PRTG: variants seen among roughly 807,000 people sequenced by gnomAD.
PRTG encodes protogenin.
A neutral mutation model predicts 122.5 loss-of-function variants in PRTG; 67 were observed. The observed-to-expected ratio is 0.55, with a 90% CI of 0.45 to 0.67. The LOEUF (loss-of-function observed/expected upper bound fraction) is 0.67. Ranked by LOEUF, PRTG falls within the 30% of genes least tolerant of loss-of-function variation. PRTG has a pLI of 0.00. For missense variants in PRTG, 1,435 were observed against 1,415.4 expected, an observed-to-expected ratio of 1.01 and a Z score of -0.22; for synonymous variants, 554 against 501.1, an observed-to-expected ratio of 1.11 and a Z score of -1.41.
At chr15:55,720,488 T>C (rs62043904) in intron 2 of PRTG, among the ~76,000 whole-genome samples, 15,183 of 152,278 alleles carry the variant, frequency 0.1, 905 homozygotes, top group Middle Eastern at 0.19. Flanking sequence ...TGGAATTCTT[T>C]CTTGCTTCTG....
At position 55,614,108 on chromosome 15, in the gene PRTG, G is replaced by A. The variant is rs2059132151; in HGVS notation, c.*5904C>T. On this transcript the variant is annotated 3_prime_UTR_variant, in exon 20 of 20. Transcript: ENST00000389286. ...TTCTCATAATGGAGACAGCTTTATCGATTTAGTTGAAGAAATGCTGAAAAT... is the reference window on the plus strand; with the variant it reads ...TTCTCATAATGGAGACAGCTTTATCAATTTAGTTGAAGAAATGCTGAAAAT... 1.3e-5 allele frequency: 2 copies of A among 152,018 alleles called. No individual in the cohort carries two copies. Among genetic ancestry groups the A allele is most frequent in the Admixed American group, 6.6e-5 (1 of 15,242 alleles). The allele number at this position is 152,018 out of a possible 1,614,324, so 9.4% of individuals were successfully genotyped here. A position where few individuals can be genotyped will look rare whatever the true frequency, so the allele number is the denominator to read the frequency against.
At chr15:55,724,739 C>A (rs1433026062) in intron 2 of PRTG, among the ~76,000 whole-genome samples, 1 of 151,898 alleles carries the variant, frequency 6.6e-6, no homozygotes, top group African/African-American at 2.4e-5. Flanking sequence ...GCCTAGGCAA[C>A]AGAGCAAGAC....
At chr15:55,634,162 G>A (rs561549778) in intron 15 of PRTG, among the ~76,000 whole-genome samples, 1 of 149,110 alleles carries the variant, frequency 6.7e-6, no homozygotes, top group African/African-American at 2.5e-5. Context: ...CTGTCTCCTG[G>A]GTTCAAGTGA....
Position 55,637,261 on chromosome 15 carries a change from A to G in PRTG, c.2532T>C (p.Asp844=), listed in dbSNP as rs2059262996. ...DTALVSWKPP[D]GPETVVTRYT... The stretch of plus-strand genomic sequence containing the variant: ...AGCGGGTCACAACTGTTTCTGGGCC[A>G]TCAGGGGGTTTCCAAGAAACCAGGG... The change falls in exon 15 of 20, where the codon GAT becomes GAC. Residue 844 remains aspartate, a synonymous_variant. Coordinates refer to ENST00000389286, the MANE Select transcript of PRTG (RefSeq NM_173814.6). 1 of 1,614,084 alleles carries G rather than the reference A, an allele frequency of 6.2e-7. No homozygotes were observed. Among genetic ancestry groups the G allele is most frequent in the Non-Finnish European group, 8.5e-7 (1 of 1,179,980 alleles).
chr15:55,661,775 AGAAAGCTT>A (rs1389588812), intron 11 of PRTG, among the ~76,000 whole-genome samples: 23 of 152,304 alleles, frequency 1.5e-4, no homozygotes, highest in Middle Eastern at 3.4e-3. Flanking sequence ...ATTGTCTGCT[AGAAAGCTT>A]GCCACACAGC....
At chr15:55,638,485 T>C in intron 14 of PRTG, 64 bp downstream of exon 14, 1 of 1,313,906 alleles carries the variant, frequency 7.6e-7, no homozygotes. Flanking sequence ...ATGACATACA[T>C]ATTTTTAAAA....
intron 11 of PRTG, among the ~76,000 whole-genome samples, chr15:55,648,550 C>G (rs2059336411): frequency 6.6e-6 from 1 of 152,192 alleles, no homozygotes; most frequent in Non-Finnish European, 1.5e-5. Context: ...TTCTCCATCA[C>G]TAGATGGCAT....
intron 2 of PRTG, among the ~76,000 whole-genome samples, chr15:55,714,901 G>C (rs1365530715): frequency 6.6e-6 from 1 of 152,124 alleles, no homozygotes; most frequent in African/African-American, 2.4e-5. Context: ...ACTTCAGAGA[G>C]TTCTTTAACA....
chr15:55,662,404 G>C (rs1193848690), intron 11 of PRTG, among the ~76,000 whole-genome samples: 1 of 152,112 alleles, frequency 6.6e-6, no homozygotes, highest in East Asian at 1.9e-4. Flanking sequence ...GTTTAAAAAA[G>C]GTTTTCAAAT....
intron 11 of PRTG, among the ~76,000 whole-genome samples, chr15:55,646,018 A>AT (rs1567081718): frequency 6.6e-6 from 1 of 151,790 alleles, no homozygotes. Context: ...ATTATTTTTT[A>AT]TTTTTTTGAG....
intron 2 of PRTG, among the ~76,000 whole-genome samples, chr15:55,705,070 T>C (rs1480087836): frequency 1.3e-5 from 2 of 152,274 alleles, no homozygotes; most frequent in East Asian, 3.9e-4. Context: ...GTAAATAATA[T>C]TACTTTTATT....
In PRTG at chr15:55,615,136, A is replaced by G. The variant is rs2059136412; in HGVS notation, c.*4876T>C. 6.6e-6 allele frequency: 1 copy of G among 152,078 alleles called. No individual in the cohort carries two copies. Among genetic ancestry groups the G allele is most frequent in the Non-Finnish European group, 1.5e-5 (1 of 67,968 alleles). 9.4% of individuals were successfully genotyped at this position (152,078 alleles called of 1,614,324 possible). ...GAGAGATGCTACATGGCTGGCTTTG[A>G]AGATGGAAGGAGGGGTTCCCAGCCT... On this transcript the variant is annotated 3_prime_UTR_variant, in exon 20 of 20. Transcript: ENST00000389286.
At position 55,619,911 on chromosome 15, in the gene PRTG, G is replaced by A; in HGVS notation, c.*101C>T. ...AAGCATAGCATGGCAGATGGCGGCTGCAGAACTAAGGAGGAAGTCTGCTCA... is the reference window on the plus strand; with the variant it reads ...AAGCATAGCATGGCAGATGGCGGCTACAGAACTAAGGAGGAAGTCTGCTCA... On this transcript the variant is annotated 3_prime_UTR_variant, in exon 20 of 20. Coordinates refer to ENST00000389286, the MANE Select transcript of PRTG (RefSeq NM_173814.6). The A allele has an allele frequency of 6.5e-7, 1 of 1,539,026 alleles. No homozygotes were observed. Among genetic ancestry groups the A allele is most frequent in the Non-Finnish European group, 8.7e-7 (1 of 1,143,968 alleles).
intron 2 of PRTG, among the ~76,000 whole-genome samples, chr15:55,691,541 C>T (rs556437914): frequency 2.0e-5 from 3 of 148,638 alleles, no homozygotes; most frequent in South Asian, 4.3e-4. Context: ...ATTAGCCGGG[C>T]ATGGTGGCGT....
intron 11 of PRTG, among the ~76,000 whole-genome samples, chr15:55,662,115 G>C (rs1032378762): frequency 1.3e-5 from 2 of 152,144 alleles, no homozygotes; most frequent in South Asian, 2.1e-4. Flanking sequence ...CTTTCTTAAA[G>C]ATGGTGAAAA....
At chr15:55,651,013 A>G (rs1479453039) in intron 11 of PRTG, among the ~76,000 whole-genome samples, 2 of 152,186 alleles carry the variant, frequency 1.3e-5, no homozygotes, top group Non-Finnish European at 2.9e-5. Context: ...AGCTCAGGTC[A>G]ACCAACAGAA....
chr15:55,682,356 C>A lies in PRTG; in HGVS notation c.676+8G>T. On this transcript the variant is annotated splice_region_variant and intron_variant, in intron 4 of 19. Coordinates refer to ENST00000389286, the MANE Select transcript of PRTG (RefSeq NM_173814.6). ...TCATAAAAATGGAAAAACCACTCTG[C>A]GTGGTACCTGGAATCACAGTTAGCG... 1 of 1,573,288 alleles carries A rather than the reference C, an allele frequency of 6.4e-7. No individual in the cohort carries two copies.
At chr15:55,738,071 A>AAAATATATATATATATAT (rs2031490450) in intron 2 of PRTG, 1 of 105,440 alleles carries the variant, frequency 9.5e-6, no homozygotes, top group Admixed American at 1.1e-4. Context: ...TCTTCCTGTA[A>AAAATATATATATATATAT]ATATATATAT....
intron 2 of PRTG, among the ~76,000 whole-genome samples, chr15:55,708,401 G>A (rs1335222039): frequency 3.9e-5 from 6 of 152,178 alleles, no homozygotes; most frequent in African/African-American, 1.4e-4. Context: ...GAGGTCAGGA[G>A]TTCGAGACCA....
Sources: gnomAD v4.1 joint callset for allele counts (sites outside exome capture counted in the v4.1 genomes callset) on GRCh38, gnomAD v4.1.1 for gene constraint, MANE v1.5 for transcripts, NCBI Gene and HGNC (gene_info 2026-07-23, HGNC 2026-07-21) for gene names.